Variants in EXOC4 observed in about 807,000 individuals in gnomAD.
EXOC4 encodes SEC8-like 1.
A neutral mutation model predicts 107.2 loss-of-function variants in EXOC4; 71 were observed. The ratio of observed to expected loss-of-function variants is 0.66; its 90% CI spans 0.55 to 0.81. The LOEUF (loss-of-function observed/expected upper bound fraction) is 0.81. Ranked by LOEUF, EXOC4 falls within the 30% of genes least tolerant of loss-of-function variation. The probability of loss-of-function intolerance (pLI) is 0.00; values close to 1 mark genes in which losing one functional copy is unlikely to be tolerated. For synonymous variants in EXOC4, 456 were observed against 441.2 expected (o/e 1.03, Z -0.42); for missense variants, 1,108 against 1,189.6 (o/e 0.93, Z 1.01).
intron 9 of EXOC4, among the ~76,000 whole-genome samples, chr7:133,618,885 T>C (rs147540916): frequency 1.3e-5 from 2 of 152,326 alleles, no homozygotes; most frequent in East Asian, 1.9e-4. Context: ...TCATAATATG[T>C]AACATTCTCT....
At chr7:133,554,790 A>G (rs1423121434) in intron 9 of EXOC4, among the ~76,000 whole-genome samples, 7 of 152,176 alleles carry the variant, frequency 4.6e-5, no homozygotes, top group Non-Finnish European at 7.3e-5. Flanking sequence ...TATGTCTCCA[A>G]CTAGACTGTG....
chr7:133,978,749 C>A (rs1373511535), intron 14 of EXOC4, among the ~76,000 whole-genome samples: 1 of 152,202 alleles, frequency 6.6e-6, no homozygotes, highest in African/African-American at 2.4e-5. Context: ...CTGCTGCAAG[C>A]TTCTGATTTG....
intron 14 of EXOC4, among the ~76,000 whole-genome samples, chr7:133,961,924 C>T (rs1277846596): frequency 6.6e-6 from 1 of 152,164 alleles, no homozygotes. Flanking sequence ...TCATCTAGTC[C>T]TTACAGCAGC....
At chr7:133,340,240 A>G (rs369526993) in intron 5 of EXOC4, among the ~76,000 whole-genome samples, 19 of 152,040 alleles carry the variant, frequency 1.2e-4, no homozygotes, top group Admixed American at 5.2e-4. Context: ...ATTTCGTCCA[A>G]TGTTTTTTCT....
At chr7:133,992,545 A>G (rs961308022) in intron 14 of EXOC4, among the ~76,000 whole-genome samples, 5 of 151,894 alleles carry the variant, frequency 3.3e-5, no homozygotes, top group African/African-American at 1.2e-4. Flanking sequence ...AGGCTCCCAA[A>G]GTGCTGGGAT....
At chr7:133,563,719 C>T (rs9656421) in intron 9 of EXOC4, among the ~76,000 whole-genome samples, 56,828 of 152,032 alleles carry the variant, frequency 0.37, 11,581 homozygotes, top group African/African-American at 0.54. Flanking sequence ...AATTTAGATA[C>T]ATCTTAGATT....
intron 13 of EXOC4, among the ~76,000 whole-genome samples, chr7:133,927,454 C>A (rs997114426): frequency 7.2e-5 from 11 of 152,074 alleles, no homozygotes; most frequent in Non-Finnish European, 1.0e-4. Flanking sequence ...AGGTTCTCAA[C>A]GTAATATAAG....
At chr7:133,444,905 C>T (rs1798183726) in intron 7 of EXOC4, among the ~76,000 whole-genome samples, 1 of 152,004 alleles carries the variant, frequency 6.6e-6, no homozygotes, top group Admixed American at 6.6e-5. Context: ...GATGAGATGG[C>T]GTTTTCACAC....
At chr7:133,549,630 A>G (rs910169179) in intron 9 of EXOC4, among the ~76,000 whole-genome samples, 1 of 152,188 alleles carries the variant, frequency 6.6e-6, no homozygotes, top group Non-Finnish European at 1.5e-5. Context: ...ACATAAAGTG[A>G]ACACAGGCTG....
intron 12 of EXOC4, among the ~76,000 whole-genome samples, chr7:133,903,060 C>G (rs1307959519): frequency 6.6e-6 from 1 of 152,120 alleles, no homozygotes; most frequent in Non-Finnish European, 1.5e-5. Flanking sequence ...GGGTAGAGTG[C>G]ACTGGCACAG....
At chr7:133,676,959 G>GTGTGTA (rs1554382523) in intron 10 of EXOC4, among the ~76,000 whole-genome samples, 15,712 of 138,366 alleles carry the variant, frequency 0.11, 677 homozygotes, top group East Asian at 0.17. Flanking sequence ...GTGTGTGTAT[G>GTGTGTA]TGTGTGTGTG....
At chr7:133,859,351 C>T (rs998463786) in intron 11 of EXOC4, among the ~76,000 whole-genome samples, 6 of 152,172 alleles carry the variant, frequency 3.9e-5, no homozygotes, top group African/African-American at 1.4e-4. Context: ...CATCTAAAGA[C>T]GAATTATCTC....
In EXOC4 at chr7:133,852,648, C is replaced by T. The variant is rs534396730; in HGVS notation, c.1734+35104C>T. On this transcript the variant is annotated intron_variant, in intron 11 of 17. Transcript: ENST00000253861. Reference sequence around the variant, plus strand: ...GTTAACATTTCTTTGTCTAAATATTCATAACCCAAGGGATGATTGAAGTTT... The same window carrying T: ...GTTAACATTTCTTTGTCTAAATATTTATAACCCAAGGGATGATTGAAGTTT... 5.9e-5 allele frequency among the ~76,000 whole-genome samples: 9 copies of T among 152,220 alleles called. No individual in the cohort carries two copies. In the East Asian group the frequency reaches 1.7e-3, roughly 29 times the overall value.
intron 10 of EXOC4, among the ~76,000 whole-genome samples, chr7:133,772,522 A>C (rs568499594): frequency 3.7e-5 from 1 of 27,144 alleles, no homozygotes; most frequent in African/African-American, 1.0e-4. Flanking sequence ...TAAAACTTAA[A>C]GTATAAAAAA....
intron 2 of EXOC4, among the ~76,000 whole-genome samples, chr7:133,276,846 C>G (rs142816377): frequency 3.5e-4 from 54 of 152,264 alleles, no homozygotes; most frequent in African/African-American, 1.3e-3. Context: ...AATTATGCTT[C>G]TACAAATACT....
At chr7:133,386,503 A>G (rs1796730195) in intron 7 of EXOC4, among the ~76,000 whole-genome samples, 1 of 152,120 alleles carries the variant, frequency 6.6e-6, no homozygotes, top group Non-Finnish European at 1.5e-5. Flanking sequence ...TTGTCACTCC[A>G]CTGAGTACTG....
chr7:134,043,478 C>G (rs12531707), intron 17 of EXOC4, among the ~76,000 whole-genome samples: 85,492 of 152,040 alleles, frequency 0.56, 24,781 homozygotes, highest in African/African-American at 0.69. Flanking sequence ...TGCTTCACCA[C>G]CACATTTGAA....
At chr7:133,971,855 G>A (rs1801247208) in intron 14 of EXOC4, among the ~76,000 whole-genome samples, 1 of 152,224 alleles carries the variant, frequency 6.6e-6, no homozygotes, top group Non-Finnish European at 1.5e-5. Flanking sequence ...AGCTGATGGA[G>A]ACCGCAGTCA....
intron 7 of EXOC4, among the ~76,000 whole-genome samples, chr7:133,443,450 T>C (rs1798149321): frequency 6.6e-6 from 1 of 152,138 alleles, no homozygotes; most frequent in Admixed American, 6.5e-5. Context: ...TGTAGATCTG[T>C]GAAATGCCTA....
Sources: gnomAD v4.1 joint callset for allele counts (sites outside exome capture counted in the v4.1 genomes callset) on GRCh38, gnomAD v4.1.1 for gene constraint, MANE v1.5 for transcripts, NCBI Gene and HGNC (gene_info 2026-07-23, HGNC 2026-07-21) for gene names.